Variants in ATXN1 observed in about 807,000 individuals in gnomAD.
ATXN1 encodes the protein ataxin-1.
Under a neutral mutation model 56.4 loss-of-function variants are expected in ATXN1, and 8 were observed. The observed-to-expected ratio is 0.14, with a 90% confidence interval of 0.08 to 0.26. The LOEUF is 0.26. Among genes scored for constraint, ATXN1 ranks in the 10% least tolerant of loss-of-function variants. ATXN1 has a pLI of 1.00. For missense variants in ATXN1, 987 were observed against 1,106.5 expected (o/e 0.89, Z 1.53); for synonymous variants, 514 against 494.6 (o/e 1.04, Z -0.52).
chr6:16,519,665 C>T (rs1191304007), intron 5 of ATXN1, among the ~76,000 whole-genome samples: 3 of 152,276 alleles, frequency 2.0e-5, no homozygotes, highest in East Asian at 3.9e-4. Flanking sequence ...ACCCTCCCCA[C>T]CAGGTCATTC....
intron 7 of ATXN1, among the ~76,000 whole-genome samples, chr6:16,321,014 T>C (rs1760637524): frequency 6.6e-6 from 1 of 152,330 alleles, no homozygotes; most frequent in Middle Eastern, 3.4e-3. Flanking sequence ...ATTTTTCAGC[T>C]GTGAATCACT....
chr6:16,636,935 T>C (rs1406576919), intron 3 of ATXN1, among the ~76,000 whole-genome samples: 1 of 152,220 alleles, frequency 6.6e-6, no homozygotes, highest in Non-Finnish European at 1.5e-5. Context: ...GAAGACAGTG[T>C]GGCGATTCCT....
intron 6 of ATXN1, among the ~76,000 whole-genome samples, chr6:16,330,422 C>T (rs1300288041): frequency 1.7e-5 from 2 of 119,208 alleles, no homozygotes; most frequent in Non-Finnish European, 3.3e-5. Context: ...AAAGGTCTTG[C>T]TTCGTTGCTC....
chr6:16,333,277 T>C (rs1032206948), intron 6 of ATXN1, among the ~76,000 whole-genome samples: 2 of 152,336 alleles, frequency 1.3e-5, no homozygotes, highest in South Asian at 2.1e-4. Flanking sequence ...AACTCAATCA[T>C]TCCCAGGAAG....
intron 7 of ATXN1, among the ~76,000 whole-genome samples, chr6:16,319,456 C>A (rs1247986432): frequency 2.0e-5 from 3 of 151,980 alleles, no homozygotes; most frequent in Non-Finnish European, 4.4e-5. Context: ...GTGTGGGGGA[C>A]AAATAGTTGA....
rs1166305029 is a variant in ATXN1 at position 16,660,987 on chromosome 6, C to T, written c.-614-3086G>A. On this transcript the variant is annotated intron_variant, in intron 2 of 7. Coordinates refer to ENST00000436367, the MANE Select transcript of ATXN1 (RefSeq NM_001128164.2). ...CCAAGTAGCTAGGATCATAGGTGCCCACCACCACACCCAGCTAATTTTTGT... is the reference window on the plus strand; with the variant it reads ...CCAAGTAGCTAGGATCATAGGTGCCTACCACCACACCCAGCTAATTTTTGT... Among the ~76,000 whole-genome samples the T allele has an allele frequency of 2.6e-5, 4 of 151,682 alleles. No homozygotes were observed. In the East Asian group the frequency reaches 7.8e-4, roughly 29 times the overall value.
intron 6 of ATXN1, among the ~76,000 whole-genome samples, chr6:16,440,614 C>A (rs1319908645): frequency 3.1e-5 from 3 of 96,358 alleles, no homozygotes; most frequent in Non-Finnish European, 5.8e-5. Context: ...GCACTCCAAC[C>A]TGGGAAACAG....
intron 4 of ATXN1, among the ~76,000 whole-genome samples, chr6:16,585,466 T>C (rs1230969412): frequency 6.6e-6 from 1 of 152,206 alleles, no homozygotes; most frequent in South Asian, 2.1e-4. Context: ...TACTACCATT[T>C]GATGTTTGTC....
intron 7 of ATXN1, among the ~76,000 whole-genome samples, chr6:16,323,508 G>C (rs1048923265): frequency 9.3e-6 from 1 of 107,824 alleles, no homozygotes; most frequent in African/African-American, 3.7e-5. Context: ...CTGGGTGACA[G>C]AGCAAGACTC....
At chr6:16,629,413 C>T (rs1351881131) in intron 3 of ATXN1, among the ~76,000 whole-genome samples, 1 of 152,146 alleles carries the variant, frequency 6.6e-6, no homozygotes, top group African/African-American at 2.4e-5. Flanking sequence ...CTGCAACCTT[C>T]GCCTCCCAGG....
chr6:16,443,854 T>A (rs74414010), intron 6 of ATXN1, among the ~76,000 whole-genome samples: 1 of 152,158 alleles, frequency 6.6e-6, no homozygotes, highest in African/African-American at 2.4e-5. Flanking sequence ...CGATGGCTCA[T>A]GCCTGTAATC....
intron 4 of ATXN1, among the ~76,000 whole-genome samples, chr6:16,540,400 A>G (rs1761690641): frequency 6.6e-6 from 1 of 151,952 alleles, no homozygotes; most frequent in African/African-American, 2.4e-5. Flanking sequence ...TTTAGTAGAG[A>G]CGGGTTTCAC....
chr6:16,496,595 C>T (rs1293504116), intron 5 of ATXN1, among the ~76,000 whole-genome samples: 1 of 152,018 alleles, frequency 6.6e-6, no homozygotes, highest in East Asian at 1.9e-4. Context: ...AATTTCAATG[C>T]AAATAAAGAA....
chr6:16,429,568 C>G (rs1759235765), intron 6 of ATXN1, among the ~76,000 whole-genome samples: 1 of 151,898 alleles, frequency 6.6e-6, no homozygotes, highest in Admixed American at 6.6e-5. Flanking sequence ...CAGGTGCCCA[C>G]CACCACGCCT....
intron 6 of ATXN1, among the ~76,000 whole-genome samples, chr6:16,339,683 A>T (rs1761201423): frequency 6.6e-6 from 1 of 152,278 alleles, no homozygotes; most frequent in Non-Finnish European, 1.5e-5. Context: ...GCCTAAGATT[A>T]CATGGCTAAA....
intron 6 of ATXN1, among the ~76,000 whole-genome samples, chr6:16,473,718 C>T (rs1178141711): frequency 1.3e-5 from 2 of 152,172 alleles, no homozygotes; most frequent in Non-Finnish European, 2.9e-5. Flanking sequence ...GTTCTCCCAC[C>T]AGATTCATAC....
chr6:16,567,952 G>A (rs1264360447), intron 4 of ATXN1, among the ~76,000 whole-genome samples: 3 of 151,912 alleles, frequency 2.0e-5, no homozygotes, highest in Non-Finnish European at 4.4e-5. Context: ...CCTTCCATGT[G>A]TTAGATTTTC....
chr6:16,688,060 T>C (rs1435463398), intron 2 of ATXN1, among the ~76,000 whole-genome samples: 1 of 152,222 alleles, frequency 6.6e-6, no homozygotes, highest in Non-Finnish European at 1.5e-5. Context: ...GCATAACCCC[T>C]GGTTGAGAAC....
intron 6 of ATXN1, among the ~76,000 whole-genome samples, chr6:16,346,476 C>T (rs927559538): frequency 6.6e-6 from 1 of 152,158 alleles, no homozygotes; most frequent in East Asian, 1.9e-4. Context: ...AGCTGCTGGT[C>T]ACAGACTAAA....
Sources: gnomAD v4.1 joint callset for allele counts (sites outside exome capture counted in the v4.1 genomes callset) on GRCh38, gnomAD v4.1.1 for gene constraint, MANE v1.5 for transcripts, NCBI Gene and HGNC (gene_info 2026-07-23, HGNC 2026-07-21) for gene names.